The following SLC16A10 variants were observed in gnomAD, a reference collection of about 807,000 sequenced individuals.
SLC16A10 encodes solute carrier family 16 member 10, also known as monocarboxylate transporter 10.
In SLC16A10, 27 loss-of-function variants were observed where a neutral mutation model predicts 40.0. The observed-to-expected ratio is 0.67, with a 90% CI of 0.50 to 0.93. The LOEUF (loss-of-function observed/expected upper bound fraction) is 0.93. SLC16A10 is among the 40% of genes least tolerant of loss of function. The pLI is 0.00. For synonymous variants in SLC16A10, 213 were observed against 249.8 expected (o/e 0.85, Z 1.39); for missense variants, 529 against 658.2 (o/e 0.80, Z 2.15).
intron 2 of SLC16A10, among the ~76,000 whole-genome samples, chr6:111,175,159 A>G (rs894974808): frequency 7.2e-5 from 11 of 152,146 alleles, no homozygotes; most frequent in African/African-American, 2.7e-4. Flanking sequence ...ACTTAGGTCA[A>G]TCACACCCAT....
At chr6:111,088,486 T>C (rs1770912074) in intron 1 of SLC16A10, among the ~76,000 whole-genome samples, 2 of 152,190 alleles carry the variant, frequency 1.3e-5, no homozygotes, top group Admixed American at 1.3e-4. Context: ...CTTTCGTGAC[T>C]ATGCCAGTTA....
chr6:111,087,922 A>G lies in SLC16A10; in HGVS notation c.170A>G (p.Glu57Gly). The G allele has an allele frequency of 6.3e-7, 1 of 1,593,688 alleles. No individual in the cohort carries two copies. The highest frequency in any genetic ancestry group is 1.1e-5 in the South Asian group (1 of 88,304). ...EVELAGPATA[E>G]PHEPPEPPEG... is the part of the protein sequence containing the mutation. ...GAGCTGGCGGGGCCGGCGACCGCGG[A>G]GCCCCATGAGCCCCCCGAACCCCCC... Residue 57 changes from glutamate (E) to glycine (G), a missense_variant, in exon 1 of 6, where the codon GAG becomes GGG. Transcript: ENST00000368851.
At chr6:111,199,827 T>TTAA (rs1773140284) in intron 3 of SLC16A10, among the ~76,000 whole-genome samples, 3 of 148,928 alleles carry the variant, frequency 2.0e-5, no homozygotes, top group South Asian at 2.1e-4. Context: ...CAGGGAAATT[T>TTAA]AAAAAAAAAA....
In SLC16A10 at chr6:111,099,810, C is replaced by A. The variant is rs74484655; in HGVS notation, c.343+11715C>A. On this transcript the variant is annotated intron_variant, in intron 1 of 5. Coordinates refer to ENST00000368851, the MANE Select transcript of SLC16A10 (RefSeq NM_018593.5). Reference sequence around the variant, plus strand: ...GGCTGAGGCAGATGAATTGCTTGAGCCCAGAAGTTCTAGAGCAGCCTGGGC... The same window carrying A: ...GGCTGAGGCAGATGAATTGCTTGAGACCAGAAGTTCTAGAGCAGCCTGGGC... Among the ~76,000 whole-genome samples the A allele has an allele frequency of 2.5e-3, 382 of 151,960 alleles. 13 individuals are homozygous for A. In the East Asian group the frequency reaches 0.072, roughly 29 times the overall value.
chr6:111,114,479 CATT>C (rs773308282), intron 1 of SLC16A10, among the ~76,000 whole-genome samples: 7 of 152,030 alleles, frequency 4.6e-5, no homozygotes, highest in Middle Eastern at 3.2e-3. Flanking sequence ...TGTAATGTCT[CATT>C]ATGGATTGTA....
chr6:111,139,382 C>T lies in SLC16A10; in HGVS notation c.344-33313C>T, dbSNP rs577767824. The stretch of plus-strand genomic sequence containing the variant: ...AGTGGCGTGATCTCGGCTCACTGCA[C>T]CCTCTGCCTCCTGGGTTCAAGTGAT... On this transcript the variant is annotated intron_variant, in intron 1 of 5. Coordinates refer to ENST00000368851, the MANE Select transcript of SLC16A10 (RefSeq NM_018593.5). Among the ~76,000 whole-genome samples, 35 of 151,990 alleles carry T rather than the reference C, an allele frequency of 2.3e-4. No individual in the cohort carries two copies. In the East Asian group the frequency reaches 4.1e-3, roughly 18 times the overall value.
intron 1 of SLC16A10, among the ~76,000 whole-genome samples, chr6:111,094,332 A>G (rs1338640669): frequency 6.6e-6 from 1 of 152,224 alleles, no homozygotes. Flanking sequence ...TTGGGTACAC[A>G]GGTACATCAT....
At chr6:111,150,638 A>C (rs559768663) in intron 1 of SLC16A10, among the ~76,000 whole-genome samples, 2 of 152,264 alleles carry the variant, frequency 1.3e-5, no homozygotes, top group African/African-American at 2.4e-5. Flanking sequence ...TGGACCTCCT[A>C]ATGACAGGCC....
At chr6:111,127,483 T>A (rs1264483739) in intron 1 of SLC16A10, among the ~76,000 whole-genome samples, 1 of 152,208 alleles carries the variant, frequency 6.6e-6, no homozygotes, top group Non-Finnish European at 1.5e-5. Context: ...CTTGGATTTC[T>A]TCTGAGTGTA....
intron 4 of SLC16A10, 38 bp downstream of exon 4, chr6:111,206,773 C>G: frequency 2.5e-6 from 4 of 1,599,738 alleles, no homozygotes; most frequent in Non-Finnish European, 2.6e-6. Context: ...TCAAAAATTA[C>G]TCTCATCACC....
At chr6:111,105,924 G>A (rs548676953) in intron 1 of SLC16A10, among the ~76,000 whole-genome samples, 9 of 152,242 alleles carry the variant, frequency 5.9e-5, no homozygotes, top group African/African-American at 9.6e-5. Flanking sequence ...GATATCTGCC[G>A]TTTTTTGTAA....
intron 3 of SLC16A10, among the ~76,000 whole-genome samples, chr6:111,186,431 T>C (rs1772898944): frequency 2.6e-5 from 4 of 152,222 alleles, no homozygotes; most frequent in Admixed American, 2.6e-4. Context: ...ATTGTTTTGA[T>C]ATGGGATGAA....
chr6:111,140,721 G>A (rs1008013766), intron 1 of SLC16A10, among the ~76,000 whole-genome samples: 12 of 152,282 alleles, frequency 7.9e-5, no homozygotes, highest in African/African-American at 2.9e-4. Flanking sequence ...ATTAGAAAAT[G>A]TTTAATGTTA....
Position 111,230,205 on chromosome 6 carries a change from C to G in SLC16A10, c.*7970C>G, listed in dbSNP as rs1223716561. The G allele has an allele frequency of 2.0e-5, 3 of 151,850 alleles. No individual in the cohort carries two copies. The highest frequency in any genetic ancestry group is 7.3e-5 in the African/African-American group (3 of 41,296). The allele number at this position is 151,850 out of a possible 1,614,324, so 9.4% of individuals were successfully genotyped here. On this transcript the variant is annotated 3_prime_UTR_variant, in exon 6 of 6. Coordinates refer to ENST00000368851, the MANE Select transcript of SLC16A10 (RefSeq NM_018593.5). The stretch of plus-strand genomic sequence containing the variant: ...GTTTCACCATGTTGGCCAGACTGGC[C>G]TTAAGTGATCCACCTGCCTCAGCCT...
chr6:111,141,916 C>A (rs948600909), intron 1 of SLC16A10, among the ~76,000 whole-genome samples: 10 of 152,156 alleles, frequency 6.6e-5, no homozygotes, highest in African/African-American at 2.4e-4. Context: ...TCAAAATCCC[C>A]GCTAGTTATT....
chr6:111,217,931 T>C (rs1770797671), intron 4 of SLC16A10, among the ~76,000 whole-genome samples: 1 of 152,172 alleles, frequency 6.6e-6, no homozygotes, highest in South Asian at 2.1e-4. Context: ...CGAAATCTTA[T>C]TCATTGTTGA....
chr6:111,139,886 T>C (rs1771949937), intron 1 of SLC16A10, among the ~76,000 whole-genome samples: 1 of 152,242 alleles, frequency 6.6e-6, no homozygotes, highest in South Asian at 2.1e-4. Flanking sequence ...ATACAGTATA[T>C]AAGCATTCCT....
At chr6:111,216,789 C>T (rs528316215) in intron 4 of SLC16A10, among the ~76,000 whole-genome samples, 1 of 152,034 alleles carries the variant, frequency 6.6e-6, no homozygotes, top group Non-Finnish European at 1.5e-5. Context: ...AAAAATGTAC[C>T]GAACTGTATG....
chr6:111,166,480 T>G (rs986178731), intron 1 of SLC16A10, among the ~76,000 whole-genome samples: 4 of 150,520 alleles, frequency 2.7e-5, no homozygotes, highest in African/African-American at 9.7e-5. Flanking sequence ...TATATATATT[T>G]GCATACATTT....
Sources: allele counts gnomAD v4.1 joint callset (sites outside exome capture counted in the v4.1 genomes callset), GRCh38; gene constraint gnomAD v4.1.1; transcripts MANE v1.5; gene names NCBI Gene and HGNC (gene_info 2026-07-23, HGNC 2026-07-21).